Variants in ZDHHC15 observed in about 807,000 individuals in gnomAD.
ZDHHC15 encodes the protein zDHHC palmitoyltransferase 15, also known as palmitoyltransferase ZDHHC15.
A neutral mutation model predicts 31.7 loss-of-function variants in ZDHHC15; 19 were observed. The observed-to-expected ratio is 0.60, with a 90% CI of 0.42 to 0.88. The LOEUF is 0.88. Among genes scored for constraint, ZDHHC15 ranks in the 40% least tolerant of loss-of-function variants. The pLI is 0.00. For synonymous variants in ZDHHC15, 103 were observed against 90.0 expected, an observed-to-expected ratio of 1.14 and a Z score of -0.82; for missense variants, 209 against 251.2, an observed-to-expected ratio of 0.83 and a Z score of 1.14.
chrX:75,424,580 A>G, intron 8 of ZDHHC15, 72 bp downstream of exon 8: 1 of 1,049,604 alleles, frequency 9.5e-7, no homozygotes, highest in Non-Finnish European at 1.2e-6. Context: ...GGAAGTTTTA[A>G]TTGGGAACAA....
At position 75,495,351 on chromosome X, in the gene ZDHHC15, C is replaced by A. The variant is rs186912780; in HGVS notation, c.163+10470G>T. 8.2e-3 allele frequency among the ~76,000 whole-genome samples: 918 copies of A among 111,473 alleles called. 11 individuals carry two copies. The highest frequency in any genetic ancestry group is 0.028 in the African/African-American group (843 of 30,653). On this transcript the variant is annotated intron_variant, in intron 2 of 11. Transcript: ENST00000373367. ...ATTGGTGGGACTGTAAACTAGTTCA[C>A]CCATTGTGGAGGTGAGTGTGGCGAT...
chrX:75,492,507 C>A (rs58889046), intron 2 of ZDHHC15, among the ~76,000 whole-genome samples: 8 of 111,442 alleles, frequency 7.2e-5, no homozygotes, highest in Non-Finnish European at 3.8e-5. Context: ...CATACTTATT[C>A]CAAAATTGAC....
chrX:75,481,453 CA>C (rs1484984088), intron 2 of ZDHHC15, among the ~76,000 whole-genome samples: 3 of 111,699 alleles, frequency 2.7e-5, no homozygotes, highest in African/African-American at 9.8e-5. Flanking sequence ...TCAACTGGTT[CA>C]ATCACGGAAT....
At chrX:75,495,005 A>C (rs1377754053) in intron 2 of ZDHHC15, among the ~76,000 whole-genome samples, 2 of 111,882 alleles carry the variant, frequency 1.8e-5, no homozygotes, top group Non-Finnish European at 3.8e-5. Context: ...CAACCTACAG[A>C]ATGGGAGAAA....
chrX:75,505,860 A>G lies in ZDHHC15; in HGVS notation c.137-13T>C. 1 of 1,193,614 alleles carries G rather than the reference A, an allele frequency of 8.4e-7. No individual in the cohort carries two copies. ...CTCAAAACAGTCACTGTGAAGAGAC[A>G]GGAGAAAGAGAGACAGACAGACAGA... is the stretch of plus-strand genomic sequence containing the variant. On this transcript the variant is annotated splice_polypyrimidine_tract_variant and intron_variant, in intron 1 of 11. Transcript: ENST00000373367.
chrX:75,508,102 T>A (rs1430127822), intron 1 of ZDHHC15, among the ~76,000 whole-genome samples: 1 of 111,284 alleles, frequency 9.0e-6, no homozygotes, highest in Non-Finnish European at 1.9e-5. Flanking sequence ...GAACTTAATT[T>A]AAAAAATATA....
chrX:75,464,305 G>C (rs2084368664), intron 3 of ZDHHC15, among the ~76,000 whole-genome samples: 1 of 110,853 alleles, frequency 9.0e-6, no homozygotes, highest in Non-Finnish European at 1.9e-5. Flanking sequence ...GAAGGGAGGA[G>C]GGAAAGCATT....
chrX:75,391,616 A>G (rs2083243257), intron 10 of ZDHHC15, among the ~76,000 whole-genome samples: 1 of 112,364 alleles, frequency 8.9e-6, no homozygotes, highest in Non-Finnish European at 1.9e-5. Flanking sequence ...TATATATAGC[A>G]AAAAATATTC....
At chrX:75,480,304 A>G (rs1179608742) in intron 2 of ZDHHC15, among the ~76,000 whole-genome samples, 1 of 110,767 alleles carries the variant, frequency 9.0e-6, no homozygotes, top group Non-Finnish European at 1.9e-5. Flanking sequence ...CATACATCTA[A>G]CTTCTCACCT....
intron 1 of ZDHHC15, among the ~76,000 whole-genome samples, chrX:75,509,961 C>A (rs752682571): frequency 9.0e-6 from 1 of 111,481 alleles, no homozygotes; most frequent in Non-Finnish European, 1.9e-5. Flanking sequence ...AACTTTGATT[C>A]CCCCCACTTT....
At chrX:75,496,678 A>G (rs891289067) in intron 2 of ZDHHC15, among the ~76,000 whole-genome samples, 3 of 111,943 alleles carry the variant, frequency 2.7e-5, no homozygotes, top group African/African-American at 9.7e-5. Context: ...CAGTGGAATA[A>G]AATTGGAAGT....
chrX:75,472,011 T>G (rs1017785545), intron 3 of ZDHHC15, among the ~76,000 whole-genome samples: 1 of 112,102 alleles, frequency 8.9e-6, no homozygotes, highest in Non-Finnish European at 1.9e-5. Context: ...TATCATGAAC[T>G]GGGCACTCTG....
At chrX:75,467,380 C>T (rs1386170434) in intron 3 of ZDHHC15, among the ~76,000 whole-genome samples, 2 of 111,456 alleles carry the variant, frequency 1.8e-5, no homozygotes, top group East Asian at 5.7e-4. Flanking sequence ...AACAAACTGG[C>T]TTTTGTTTGG....
intron 2 of ZDHHC15, among the ~76,000 whole-genome samples, chrX:75,496,125 G>A (rs779864178): frequency 4.5e-5 from 5 of 110,253 alleles, no homozygotes; most frequent in Non-Finnish European, 7.6e-5. Context: ...TAAGACATAT[G>A]GACTCACATA....
intron 3 of ZDHHC15, among the ~76,000 whole-genome samples, chrX:75,464,353 G>A (rs959120768): frequency 3.6e-5 from 4 of 110,895 alleles, no homozygotes; most frequent in African/African-American, 1.3e-4. Context: ...GTTAATGGGT[G>A]CAGCACACCA....
intron 5 of ZDHHC15, among the ~76,000 whole-genome samples, chrX:75,430,391 G>A (rs775914046): frequency 2.0e-4 from 22 of 111,708 alleles, no homozygotes; most frequent in African/African-American, 6.8e-4. Context: ...AAGAGAAAAG[G>A]CATTACATGT....
At chrX:75,450,052 A>G (rs974864595) in intron 4 of ZDHHC15, among the ~76,000 whole-genome samples, 4 of 112,141 alleles carry the variant, frequency 3.6e-5, no homozygotes, top group African/African-American at 1.3e-4. Context: ...CCAAGTATGT[A>G]TCAACTAGTG....
chrX:75,464,060 A>G (rs937721561), intron 3 of ZDHHC15, among the ~76,000 whole-genome samples: 4 of 112,115 alleles, frequency 3.6e-5, no homozygotes, highest in Non-Finnish European at 7.5e-5. Flanking sequence ...GATAGACTGG[A>G]TTAAGGAAAT....
chrX:75,503,573 A>G (rs1189301696), intron 2 of ZDHHC15, among the ~76,000 whole-genome samples: 1 of 111,308 alleles, frequency 9.0e-6, no homozygotes, highest in African/African-American at 3.3e-5. Flanking sequence ...AGAAAGTGAA[A>G]CTTAGAGAAG....
Sources: gnomAD v4.1 joint callset for allele counts (sites outside exome capture counted in the v4.1 genomes callset) on GRCh38, gnomAD v4.1.1 for gene constraint, MANE v1.5 for transcripts, NCBI Gene and HGNC (gene_info 2026-07-23, HGNC 2026-07-21) for gene names.